Variants in SLC8A2 observed in about 807,000 individuals in gnomAD.
The protein encoded by SLC8A2 is sodium/calcium exchanger 2.
Under a neutral mutation model 70.2 loss-of-function variants are expected in SLC8A2, and 14 were observed. The ratio of observed to expected loss-of-function variants is 0.20; its 90% CI spans 0.13 to 0.31. The LOEUF is 0.31. SLC8A2 is among the 10% of genes least tolerant of loss of function. The pLI, the probability that SLC8A2 is intolerant of heterozygous loss-of-function variation, is 1.00. For synonymous variants in SLC8A2, 575 were observed against 594.3 expected (o/e 0.97, Z 0.47); for missense variants, 779 against 1,320.1 (o/e 0.59, Z 6.35).
rs1279012048 is a variant in SLC8A2, at chr19:47,468,828, G to A, written c.-16-2409C>T. ...AGTGGCCCTGACTCTGAGCTCCTCC[G>A]CCCCACCCTCATGTTGCCATGGTAA... On this transcript the variant is annotated intron_variant, in intron 1 of 9. Coordinates refer to ENST00000236877, the MANE Select transcript of SLC8A2 (RefSeq NM_015063.3). This position sits in a 1 kb window ranked among gnomAD's most constrained non-coding sequence, Gnocchi z 5.1. 3.9e-5 allele frequency among the ~76,000 whole-genome samples: 6 copies of A among 152,084 alleles called. No individual in the cohort carries two copies. Among genetic ancestry groups the A allele is most frequent in the Admixed American group, 1.3e-4 (2 of 15,276 alleles).
intron 2 of SLC8A2, among the ~76,000 whole-genome samples, chr19:47,464,256 C>T (rs1483643713): frequency 1.3e-5 from 2 of 151,970 alleles, no homozygotes; most frequent in South Asian, 2.1e-4. Flanking sequence ...GGATTACAGG[C>T]GGGTACCACC....
chr19:47,452,439 AGAGAGAGTGTGTGTGT>A (rs1568444547), intron 3 of SLC8A2, among the ~76,000 whole-genome samples: 13 of 77,834 alleles, frequency 1.7e-4, no homozygotes, highest in African/African-American at 4.4e-4. Flanking sequence ...AGAGAGAGAG[AGAGAGAGTGTGTGTGT>A]GTGTGTGTGT....
At chr19:47,461,050 C>G (rs144047012) in intron 2 of SLC8A2, among the ~76,000 whole-genome samples, 1 of 151,188 alleles carries the variant, frequency 6.6e-6, no homozygotes, top group Admixed American at 6.6e-5. Context: ...ATTAGCTGGG[C>G]GTGGTGGCAG....
chr19:47,463,324 G>C (rs148633453), intron 2 of SLC8A2, among the ~76,000 whole-genome samples: 1 of 150,038 alleles, frequency 6.7e-6, no homozygotes, highest in African/African-American at 2.4e-5. Flanking sequence ...TAGCAGAGAC[G>C]GGGTTTCACC....
intron 8 of SLC8A2, among the ~76,000 whole-genome samples, chr19:47,433,575 G>A (rs1193372638): frequency 6.6e-6 from 1 of 152,148 alleles, no homozygotes; most frequent in African/African-American, 2.4e-5. Flanking sequence ...TGTTTTCTGA[G>A]CTTTGTAAAT....
At chr19:47,435,243 G>A (rs1599844473) in intron 8 of SLC8A2, among the ~76,000 whole-genome samples, 1 of 152,008 alleles carries the variant, frequency 6.6e-6, no homozygotes, top group Middle Eastern at 3.4e-3. Context: ...TAGGGTCACC[G>A]TTGTCATAAT....
At chr19:47,433,787 G>A (rs748018615) in intron 8 of SLC8A2, among the ~76,000 whole-genome samples, 2 of 152,072 alleles carry the variant, frequency 1.3e-5, no homozygotes, top group Non-Finnish European at 2.9e-5. Context: ...AATCACAGGT[G>A]TGCACCACCC....
rs763970171 is a variant in SLC8A2, at chr19:47,448,704, C to G, written c.1341-473G>C. Among the ~76,000 whole-genome samples, 1 of 152,070 alleles carries G rather than the reference C, an allele frequency of 6.6e-6. No homozygotes were observed. The highest frequency in any genetic ancestry group is 1.5e-5 in the Non-Finnish European group (1 of 68,002). On this transcript the variant is annotated intron_variant, in intron 3 of 9. Transcript: ENST00000236877. This position sits in a 1 kb window ranked among gnomAD's most constrained non-coding sequence, Gnocchi z 4.8. Reference sequence around the variant, plus strand: ...ATGCAGATTCTGGTTTAGAAGCTCCCGGGTTTCTAGAATCGCATTTCTAAC... The same window carrying G: ...ATGCAGATTCTGGTTTAGAAGCTCCGGGGTTTCTAGAATCGCATTTCTAAC...
intron 8 of SLC8A2, among the ~76,000 whole-genome samples, chr19:47,435,093 C>T (rs1967009244): frequency 6.6e-6 from 1 of 151,868 alleles, no homozygotes; most frequent in African/African-American, 2.4e-5. Flanking sequence ...CCTGTAATCC[C>T]AGCTACTCAG....
chr19:47,461,325 A>G (rs1044164683), intron 2 of SLC8A2, among the ~76,000 whole-genome samples: 5 of 152,114 alleles, frequency 3.3e-5, no homozygotes, highest in East Asian at 3.9e-4. Flanking sequence ...CCTGGCCAAC[A>G]TGGTGAAACC....
chr19:47,463,723 C>T (rs1224763397), intron 2 of SLC8A2, among the ~76,000 whole-genome samples: 1 of 150,096 alleles, frequency 6.7e-6, no homozygotes, highest in African/African-American at 2.5e-5. Flanking sequence ...TTCTTTATAA[C>T]ACAGTTTGGA....
chr19:47,440,586 T>C (rs561456294), intron 6 of SLC8A2, among the ~76,000 whole-genome samples: 8 of 110,364 alleles, frequency 7.2e-5, no homozygotes, highest in African/African-American at 2.1e-4. Context: ...GTCATCACAC[T>C]CAGCTAATTT....
intron 4 of SLC8A2, among the ~76,000 whole-genome samples, chr19:47,445,283 A>G (rs1341009950): frequency 1.3e-5 from 2 of 151,930 alleles, no homozygotes; most frequent in African/African-American, 4.8e-5. Flanking sequence ...TAATTTTTGT[A>G]TTTTTAGTAG....
At chr19:47,433,084 G>A (rs1261249966) in intron 8 of SLC8A2, among the ~76,000 whole-genome samples, 1 of 152,158 alleles carries the variant, frequency 6.6e-6, no homozygotes, top group East Asian at 1.9e-4. Flanking sequence ...TGAAGCTAGA[G>A]GAAGCCACAT....
At chr19:47,452,425 AGAGAGAGAGAGAGAGAGAGAGTGTGTGT>A (rs1568444483) in intron 3 of SLC8A2, among the ~76,000 whole-genome samples, 21 of 118,982 alleles carry the variant, frequency 1.8e-4, no homozygotes, top group African/African-American at 7.0e-4. Flanking sequence ...AGAGAGAGAG[AGAGAGAGAGAGAGAGAGAGAGTGTGTGT>A]GTGTGTGTGT....
At chr19:47,452,747 T>C (rs1002100699) in intron 3 of SLC8A2, among the ~76,000 whole-genome samples, 2 of 152,100 alleles carry the variant, frequency 1.3e-5, no homozygotes, top group South Asian at 2.1e-4. Context: ...AATACCAAAA[T>C]GTTGGCTGGT....
intron 2 of SLC8A2, among the ~76,000 whole-genome samples, chr19:47,458,726 G>A (rs888575940): frequency 6.7e-6 from 1 of 149,482 alleles, no homozygotes; most frequent in African/African-American, 2.5e-5. Context: ...TATCCTGGTA[G>A]ATCTCCATCT....
intron 7 of SLC8A2, 126 bp downstream of exon 7, chr19:47,437,723 C>T (rs902151822): frequency 8.0e-6 from 10 of 1,243,316 alleles, no homozygotes; most frequent in African/African-American, 3.0e-5. Flanking sequence ...ATGTGCTGTC[C>T]GTGGTCCTGA....
chr19:47,448,218 C>A lies in SLC8A2; in HGVS notation c.1354G>T (p.Val452Leu). ...SDYEYSEGTL[V>L]FKPGETQKEL... ...TTCTGCGTCTCGCCTGGTTTGAACA[C>A]CAGCGTGCCCTCGCTGCGGCGGGGT... The change falls in exon 4 of 10, where the codon GTG becomes TTG. Residue 452 changes from valine (V) to leucine (L), a missense_variant. By Grantham distance (32) the Val-to-Leu change is conservative. Transcript: ENST00000236877. This position sits in a 1 kb window ranked among gnomAD's most constrained non-coding sequence, Gnocchi z 4.8. The A allele has an allele frequency of 6.3e-7, 1 of 1,595,794 alleles. No homozygotes were observed. The highest frequency in any genetic ancestry group is 2.3e-5 in the East Asian group (1 of 44,442).
Sources: allele counts gnomAD v4.1 joint callset (sites outside exome capture counted in the v4.1 genomes callset), GRCh38; gene constraint gnomAD v4.1.1; non-coding constraint Gnocchi (gnomAD v3.1); transcripts MANE v1.5; gene names NCBI Gene and HGNC (gene_info 2026-07-23, HGNC 2026-07-21).